Variants in ADHFE1 observed in about 807,000 individuals in gnomAD.
ADHFE1 encodes alcohol dehydrogenase iron containing 1, also known as hydroxyacid-oxoacid transhydrogenase, mitochondrial.
Under a neutral mutation model 54.8 loss-of-function variants are expected in ADHFE1, and 37 were observed. The observed-to-expected ratio is 0.68, with a 90% CI of 0.52 to 0.89. The LOEUF is 0.89. Among genes scored for constraint, ADHFE1 ranks in the 40% least tolerant of loss-of-function variants. ADHFE1 has a pLI of 0.00. For missense variants in ADHFE1, 601 were observed against 591.2 expected (o/e 1.02, Z -0.17); for synonymous variants, 203 against 229.3 (o/e 0.89, Z 1.04).
intron 9 of ADHFE1, 161 bp from the exon 10 acceptor site, chr8:66,453,898 C>T: frequency 6.7e-7 from 1 of 1,495,612 alleles, no homozygotes; most frequent in Non-Finnish European, 8.9e-7. Flanking sequence ...CTTCAGTTTT[C>T]ATTTAGAAGA....
intron 2 of ADHFE1, among the ~76,000 whole-genome samples, chr8:66,442,397 A>G (rs1586445085): frequency 7.1e-6 from 1 of 141,092 alleles, no homozygotes; most frequent in African/African-American, 2.7e-5. Context: ...TGCAAGCTCC[A>G]CCTCCCAGGT....
At position 66,445,727 on chromosome 8, in the gene ADHFE1, GCT is replaced by G. The variant is rs539087661; in HGVS notation, c.550+318_550+319del. Among the ~76,000 whole-genome samples, 24 of 152,342 alleles carry G rather than the reference GCT, an allele frequency of 1.6e-4. 1 individual carries two copies. In the South Asian group the frequency reaches 5.0e-3, roughly 32 times the overall value. ...TGTCAGCAGCTTTGTCCTTTAAACT[GCT>G]CTCTGTTTTGTCCCATTTTGCCAGC... On this transcript the variant is annotated intron_variant, in intron 6 of 13. Transcript: ENST00000396623.
rs147080598 is a variant in ADHFE1 at position 66,453,986 on chromosome 8, C to T, written c.888-73C>T. 8.3e-3 allele frequency: 13,092 copies of T among 1,571,350 alleles called. 65 individuals are homozygous for T. The highest frequency in any genetic ancestry group is 0.01 in the Non-Finnish European group (11,889 of 1,160,130). On this transcript the variant is annotated intron_variant, in intron 9 of 13. Coordinates refer to ENST00000396623, the MANE Select transcript of ADHFE1 (RefSeq NM_144650.3). ...TCTTTTTTTTTCACCATATCTTTCC[C>T]TAAGGCAGCTCCTTATTCTGTAGGA...
chr8:66,457,769 A>T (rs55821916), intron 12 of ADHFE1, among the ~76,000 whole-genome samples: 85,820 of 151,884 alleles, frequency 0.57, 25,298 homozygotes, highest in African/African-American at 0.72. Flanking sequence ...GAGTATTGAG[A>T]GTATTTGTAG....
At chr8:66,449,743 C>T (rs1291189969) in intron 8 of ADHFE1, among the ~76,000 whole-genome samples, 1 of 152,154 alleles carries the variant, frequency 6.6e-6, no homozygotes, top group Non-Finnish European at 1.5e-5. Context: ...ATTTTTTTCA[C>T]ATTTTAACAC....
Position 66,447,302 on chromosome 8 carries a change from G to A in ADHFE1, c.589G>A (p.Val197Ile). The A allele has an allele frequency of 1.2e-6, 2 of 1,613,560 alleles. No individual in the cohort carries two copies. The highest frequency in any genetic ancestry group is 2.2e-5 in the South Asian group (2 of 90,974). ...TSGTGSETTGVAIFDYEHLKV... is the reference protein window; with the variant it reads ...TSGTGSETTGIAIFDYEHLKV... ...AGGAACCGGGAGTGAAACTACTGGG[G>A]TTGCCATTTTTGACTATGAACACTT... The change falls in exon 7 of 14, where the codon GTT becomes ATT. Residue 197 changes from valine (V) to isoleucine (I), a missense_variant. Coordinates refer to ENST00000396623, the MANE Select transcript of ADHFE1 (RefSeq NM_144650.3).
At chr8:66,432,705 C>T in intron 1 of ADHFE1, 130 bp downstream of exon 1, 2 of 1,233,664 alleles carry the variant, frequency 1.6e-6, no homozygotes, top group Non-Finnish European at 2.0e-6. Context: ...GGATACCGCC[C>T]TGGGCTCCCA....
At chr8:66,437,458 C>G (rs1805523268) in intron 1 of ADHFE1, among the ~76,000 whole-genome samples, 1 of 152,106 alleles carries the variant, frequency 6.6e-6, no homozygotes, top group African/African-American at 2.4e-5. Context: ...CTCCCCAAGC[C>G]TCACTCTGCT....
intron 12 of ADHFE1, among the ~76,000 whole-genome samples, chr8:66,457,781 A>G (rs375143501): frequency 8.4e-6 from 1 of 119,410 alleles, no homozygotes; most frequent in Non-Finnish European, 1.8e-5. Context: ...TATTTGTAGT[A>G]ATACTGTTTC....
At chr8:66,457,316 CA>C (rs34743572) in intron 12 of ADHFE1, 150 bp downstream of exon 12, 35,136 of 407,642 alleles carry the variant, frequency 0.086, 6 homozygotes, top group South Asian at 0.11. Context: ...CCATCTCTAC[CA>C]AAAAAAAAAA....
Position 66,452,013 on chromosome 8 carries a change from T to C in ADHFE1, c.795T>C (p.Asn265=). Residue 265 remains asparagine, a synonymous_variant, in exon 9 of 14, where the codon AAT becomes AAC. Coordinates refer to ENST00000396623, the MANE Select transcript of ADHFE1 (RefSeq NM_144650.3). ...ACCTGCGGAGCCCCTGCCCTTCAAA[T>C]CCCATCACACGGCCTGCGTACCAGG... ...PYHLRSPCPS[N]PITRPAYQGS... 6.2e-7 allele frequency: 1 copy of C among 1,614,148 alleles called. No homozygotes were observed. Among genetic ancestry groups the C allele is most frequent in the Middle Eastern group, 1.6e-4 (1 of 6,062 alleles).
At chr8:66,437,512 T>C (rs926509304) in intron 1 of ADHFE1, among the ~76,000 whole-genome samples, 3 of 152,032 alleles carry the variant, frequency 2.0e-5, no homozygotes, top group African/African-American at 7.2e-5. Context: ...CTTCAGGCCA[T>C]CCTAAGAAGG....
intron 2 of ADHFE1, 28 bp from the exon 3 acceptor site, chr8:66,442,770 A>T: frequency 6.3e-7 from 1 of 1,590,034 alleles, no homozygotes; most frequent in Non-Finnish European, 8.5e-7. Flanking sequence ...TTAAAGACCC[A>T]CTTTGATGCT....
chr8:66,460,127 C>A, intron 12 of ADHFE1, 181 bp from the exon 13 acceptor site: 1 of 673,252 alleles, frequency 1.5e-6, no homozygotes, highest in Non-Finnish European at 2.5e-6. Flanking sequence ...TCCGAAATGT[C>A]AGAGCTAAGT....
intron 1 of ADHFE1, 187 bp downstream of exon 1, chr8:66,432,762 C>T (rs531474293): frequency 1.6e-6 from 2 of 1,230,562 alleles, no homozygotes; most frequent in Admixed American, 4.2e-5. Context: ...GCGATGCAGC[C>T]TCTCAGGGCG....
chr8:66,445,079 C>G, intron 5 of ADHFE1, 139 bp from the exon 6 acceptor site: 2 of 819,884 alleles, frequency 2.4e-6, no homozygotes, highest in South Asian at 3.8e-5. Context: ...GCAGCCTGGG[C>G]AACAGAATGA....
chr8:66,449,005 G>GAGAC, intron 8 of ADHFE1, 35 bp downstream of exon 8: 1 of 1,556,930 alleles, frequency 6.4e-7, no homozygotes, highest in Admixed American at 1.7e-5. Context: ...GGCTTTTTTA[G>GAGAC]TACTGGGTCT....
At chr8:66,464,004 T>A (rs977347529) in intron 13 of ADHFE1, among the ~76,000 whole-genome samples, 8 of 152,180 alleles carry the variant, frequency 5.3e-5, no homozygotes, top group African/African-American at 1.9e-4. Flanking sequence ...GAAAGAAACA[T>A]TTACATTTCA....
In ADHFE1 at chr8:66,452,070, C is replaced by T. The variant is rs749037047; in HGVS notation, c.852C>T (p.Ile284=). 1.9e-6 allele frequency: 3 copies of T among 1,614,240 alleles called. No homozygotes were observed. Among genetic ancestry groups the T allele is most frequent in the Non-Finnish European group, 1.7e-6 (2 of 1,180,038 alleles). ...ACCCAATCAGTGACATTTGGGCTAT[C>T]CACGCGCTGCGGATCGTGGCTAAGT... is the stretch of plus-strand genomic sequence containing the variant. ...GSNPISDIWA[I]HALRIVAKYL... Residue 284 remains isoleucine (I), a synonymous_variant, in exon 9 of 14, where the codon ATC becomes ATT. Transcript: ENST00000396623.
Sources: gnomAD v4.1 joint callset for allele counts (sites outside exome capture counted in the v4.1 genomes callset) on GRCh38, gnomAD v4.1.1 for gene constraint, MANE v1.5 for transcripts, NCBI Gene and HGNC (gene_info 2026-07-23, HGNC 2026-07-21) for gene names.